HTR4: variants seen among roughly 807,000 people sequenced by gnomAD.
HTR4 encodes the protein 5-hydroxytryptamine (serotonin) receptor 4, G protein-coupled.
HTR4 carries 16 observed loss-of-function variants against 36.8 expected under a neutral mutation model. That is an observed-to-expected ratio of 0.43 (90% CI 0.29 to 0.66). The LOEUF is 0.66. Ranked by LOEUF, HTR4 falls within the 30% of genes least tolerant of loss-of-function variation. The probability of loss-of-function intolerance (pLI) is 0.13; values close to 1 mark genes in which losing one functional copy is unlikely to be tolerated. For synonymous variants in HTR4, 189 were observed against 185.1 expected (o/e 1.02, Z -0.17); for missense variants, 438 against 490.9 (o/e 0.89, Z 1.02).
At chr5:148,653,267 C>T (rs1360026321) in intron 1 of HTR4, among the ~76,000 whole-genome samples, 1 of 152,114 alleles carries the variant, frequency 6.6e-6, no homozygotes, top group Non-Finnish European at 1.5e-5. Flanking sequence ...TTGATTGGAC[C>T]AAATGGAAAT....
At chr5:148,602,428 T>C (rs1257268935) in intron 2 of HTR4, among the ~76,000 whole-genome samples, 1 of 152,196 alleles carries the variant, frequency 6.6e-6, no homozygotes, top group African/African-American at 2.4e-5. Context: ...TGTTTCAAAC[T>C]AGGTGATAAT....
Position 148,512,411 on chromosome 5 carries a change from T to G in HTR4, c.508-2387A>C, listed in dbSNP as rs115460965. On this transcript the variant is annotated intron_variant, in intron 5 of 6. Coordinates refer to ENST00000377888, the MANE Select transcript of HTR4 (RefSeq NM_000870.7). ...GTCTTTTGAATTGATTATTCAGGTA[T>G]TTTCCCATTTTAAAAATTAAGTTGT... Among the ~76,000 whole-genome samples, 1,258 of 152,294 alleles carry G rather than the reference T, an allele frequency of 8.3e-3. 14 individuals are homozygous for G. The highest frequency in any genetic ancestry group is 0.029 in the African/African-American group (1,210 of 41,558).
intron 5 of HTR4, among the ~76,000 whole-genome samples, chr5:148,457,323 C>A (rs141850812): frequency 0.023 from 3,434 of 152,232 alleles, 57 homozygotes; most frequent in South Asian, 0.053. Context: ...CAAGCGACAA[C>A]TCCCTTCAAG....
intron 2 of HTR4, among the ~76,000 whole-genome samples, chr5:148,585,422 C>A (rs771067669): frequency 2.0e-5 from 3 of 152,156 alleles, no homozygotes; most frequent in Non-Finnish European, 4.4e-5. Flanking sequence ...AACGCTAAAG[C>A]TAGAAAGATA....
At chr5:148,514,971 G>A (rs1757670001) in intron 5 of HTR4, among the ~76,000 whole-genome samples, 1 of 151,866 alleles carries the variant, frequency 6.6e-6, no homozygotes, top group African/African-American at 2.4e-5. Context: ...TTGTTTTGAT[G>A]CAGTCTGACA....
chr5:148,616,958 GT>G (rs1752716078), intron 2 of HTR4, among the ~76,000 whole-genome samples: 1 of 152,166 alleles, frequency 6.6e-6, no homozygotes, highest in Non-Finnish European at 1.5e-5. Context: ...GCATTTTCCT[GT>G]TAATCACCTA....
intron 5 of HTR4, among the ~76,000 whole-genome samples, chr5:148,519,779 A>G (rs575984636): frequency 1.3e-5 from 2 of 152,120 alleles, no homozygotes; most frequent in Admixed American, 6.5e-5. Context: ...CCTTTTTGCT[A>G]TTTGCCGGCA....
intron 6 of HTR4, among the ~76,000 whole-genome samples, chr5:148,492,201 A>G (rs949486451): frequency 6.6e-6 from 1 of 152,194 alleles, no homozygotes; most frequent in African/African-American, 2.4e-5. Flanking sequence ...GGGTGCACCT[A>G]CGGAGCAAAA....
At chr5:148,554,305 C>A (rs1759832004) in intron 2 of HTR4, among the ~76,000 whole-genome samples, 1 of 152,118 alleles carries the variant, frequency 6.6e-6, no homozygotes, top group Admixed American at 6.5e-5. Context: ...GAACTTCTGA[C>A]CTCAGGTGAT....
chr5:148,607,550 T>C (rs72832081), intron 2 of HTR4, among the ~76,000 whole-genome samples: 3,464 of 152,304 alleles, frequency 0.023, 57 homozygotes, highest in African/African-American at 0.037. Context: ...TCAACTTTGA[T>C]GAGCCTCTCC....
At chr5:148,640,101 G>A (rs1753677900) in intron 1 of HTR4, among the ~76,000 whole-genome samples, 1 of 152,090 alleles carries the variant, frequency 6.6e-6, no homozygotes, top group African/African-American at 2.4e-5. Flanking sequence ...TGACCAATCT[G>A]GGAATAGAAT....
At chr5:148,535,773 G>GA (rs2113821678) in intron 4 of HTR4, among the ~76,000 whole-genome samples, 1 of 152,270 alleles carries the variant, frequency 6.6e-6, no homozygotes, top group South Asian at 2.1e-4. Context: ...TGGCATCCCT[G>GA]AAAGGGATGG....
chr5:148,594,899 A>G (rs1761710963), intron 2 of HTR4, among the ~76,000 whole-genome samples: 1 of 152,172 alleles, frequency 6.6e-6, no homozygotes. Context: ...CCATAAATAG[A>G]TTAATGTTTT....
At chr5:148,539,912 C>A (rs555968628) in intron 4 of HTR4, among the ~76,000 whole-genome samples, 21 of 152,244 alleles carry the variant, frequency 1.4e-4, no homozygotes, top group Admixed American at 2.6e-4. Flanking sequence ...CATAAAGACA[C>A]ATGCACCCAA....
chr5:148,539,072 C>A (rs1015049970), intron 4 of HTR4, among the ~76,000 whole-genome samples: 2 of 152,116 alleles, frequency 1.3e-5, no homozygotes, highest in Non-Finnish European at 2.9e-5. Context: ...GATAAGACCA[C>A]ACACCTACAG....
intron 2 of HTR4, among the ~76,000 whole-genome samples, chr5:148,576,487 C>T (rs954452466): frequency 2.8e-4 from 42 of 151,994 alleles, no homozygotes; most frequent in African/African-American, 3.1e-4. Context: ...TTATATGGAA[C>T]CAATAAAGAG....
intron 6 of HTR4, among the ~76,000 whole-genome samples, chr5:148,497,156 A>C (rs1434483991): frequency 1.3e-5 from 2 of 152,118 alleles, no homozygotes; most frequent in African/African-American, 2.4e-5. Flanking sequence ...AAGGAACTTT[A>C]GTTATTGCTT....
At chr5:148,464,352 T>C (rs996071621) in intron 5 of HTR4, among the ~76,000 whole-genome samples, 1 of 152,182 alleles carries the variant, frequency 6.6e-6, no homozygotes, top group Non-Finnish European at 1.5e-5. Flanking sequence ...ACCAAAGGCA[T>C]ACTATTATCC....
downstream of HTR4, among the ~76,000 whole-genome samples, chr5:148,479,405 A>G (rs1755805140): frequency 6.6e-6 from 1 of 152,110 alleles, no homozygotes; most frequent in African/African-American, 2.4e-5. Flanking sequence ...TGACTTTGGC[A>G]TTTTATTGCA....
Sources: allele counts gnomAD v4.1 joint callset (sites outside exome capture counted in the v4.1 genomes callset), GRCh38; gene constraint gnomAD v4.1.1; transcripts MANE v1.5; gene names NCBI Gene and HGNC (gene_info 2026-07-23, HGNC 2026-07-21).